Variants in XIRP2 observed in about 807,000 individuals in gnomAD.
XIRP2 encodes xin actin binding repeat containing 2.
XIRP2 carries 236 observed loss-of-function variants against 277.0 expected under a neutral mutation model. That is an observed-to-expected ratio of 0.85 (90% CI 0.77 to 0.95). The LOEUF is 0.95. Ranked by LOEUF, XIRP2 falls within the 40% of genes least tolerant of loss-of-function variation. The pLI is 0.00. For missense variants in XIRP2, 4,640 were observed against 4,157.5 expected, an observed-to-expected ratio of 1.12 and a Z score of -3.19; for synonymous variants, 1,490 against 1,416.5, an observed-to-expected ratio of 1.05 and a Z score of -1.17.
At chr2:167,223,833 C>T (rs1694505294) in intron 5 of XIRP2, among the ~76,000 whole-genome samples, 1 of 152,098 alleles carries the variant, frequency 6.6e-6, no homozygotes, top group Admixed American at 6.6e-5. Flanking sequence ...ACTTAAAGTA[C>T]CAGCACTCAA....
chr2:167,151,829 T>C (rs2105332123), intron 3 of XIRP2, among the ~76,000 whole-genome samples: 1 of 152,264 alleles, frequency 6.6e-6, no homozygotes, highest in South Asian at 2.1e-4. Flanking sequence ...GTTGTTGCTA[T>C]GGGACTACTA....
chr2:167,002,660 T>C (rs1431297887), intron 2 of XIRP2, among the ~76,000 whole-genome samples: 1 of 152,008 alleles, frequency 6.6e-6, no homozygotes, highest in Non-Finnish European at 1.5e-5. Flanking sequence ...GTCTGGCTTA[T>C]TTATAAGGAT....
rs117067542 is a variant in XIRP2 at position 167,089,627 on chromosome 2, G to T, written c.409-46282G>T. ...TGTATTACTTAAGTAAATGTGTGTGGGGGGGTGTATTAAGTAAATGTGCAT... is the reference window on the plus strand; with the variant it reads ...TGTATTACTTAAGTAAATGTGTGTGTGGGGGTGTATTAAGTAAATGTGCAT... On this transcript the variant is annotated intron_variant, in intron 2 of 10. Transcript: ENST00000409195. Among the ~76,000 whole-genome samples, 228 of 152,156 alleles carry T rather than the reference G, an allele frequency of 1.5e-3. 3 individuals carry two copies. The East Asian group carries it at 0.037, about 25-fold the overall frequency.
chr2:167,082,215 G>C (rs554520488), intron 2 of XIRP2, among the ~76,000 whole-genome samples: 2 of 151,616 alleles, frequency 1.3e-5, no homozygotes, highest in African/African-American at 2.4e-5. Flanking sequence ...TTGTTCTTGC[G>C]ATAGTTTACT....
At chr2:167,240,101 T>C in intron 6 of XIRP2, 136 bp downstream of exon 6, 1 of 827,350 alleles carries the variant, frequency 1.2e-6, no homozygotes. Context: ...TTCTCCACTT[T>C]CAAGTTGGAA....
At chr2:167,179,182 T>C (rs1559009474) in intron 3 of XIRP2, among the ~76,000 whole-genome samples, 1 of 152,196 alleles carries the variant, frequency 6.6e-6, no homozygotes, top group Admixed American at 6.5e-5. Context: ...AATATTTGTT[T>C]GGTTTTAATG....
chr2:166,958,874 G>A (rs962704377), intron 2 of XIRP2, among the ~76,000 whole-genome samples: 1 of 151,686 alleles, frequency 6.6e-6, no homozygotes, highest in African/African-American at 2.4e-5. Flanking sequence ...TCAGCATTAT[G>A]TATTCATGGA....
chr2:166,975,646 C>G (rs1008380341), intron 2 of XIRP2, among the ~76,000 whole-genome samples: 1 of 152,120 alleles, frequency 6.6e-6, no homozygotes, highest in Non-Finnish European at 1.5e-5. Flanking sequence ...TTCATTGTGG[C>G]CGGGCGCGGT....
chr2:167,215,612 C>T (rs2105397074), intron 4 of XIRP2, among the ~76,000 whole-genome samples: 1 of 152,276 alleles, frequency 6.6e-6, no homozygotes, highest in East Asian at 1.9e-4. Flanking sequence ...GCTCCTGGGT[C>T]CCCAGTTACT....
intron 1 of XIRP2, among the ~76,000 whole-genome samples, chr2:166,896,197 A>G (rs1245248251): frequency 1.3e-5 from 2 of 152,180 alleles, no homozygotes; most frequent in East Asian, 3.9e-4. Context: ...TATTTACTAT[A>G]CCATGTTTTT....
intron 2 of XIRP2, among the ~76,000 whole-genome samples, chr2:167,028,736 A>G (rs1688244552): frequency 6.6e-6 from 1 of 152,042 alleles, no homozygotes; most frequent in African/African-American, 2.4e-5. Flanking sequence ...ACCAGTGACG[A>G]AATCAAGAAT....
intron 3 of XIRP2, among the ~76,000 whole-genome samples, chr2:167,189,682 A>G (rs1372934710): frequency 6.6e-6 from 1 of 152,142 alleles, no homozygotes; most frequent in African/African-American, 2.4e-5. Flanking sequence ...TGTTTATATG[A>G]CTGTGTGGCA....
At chr2:167,213,625 TG>T (rs145990925) in intron 4 of XIRP2, among the ~76,000 whole-genome samples, 22,826 of 152,058 alleles carry the variant, frequency 0.15, 2,125 homozygotes, top group African/African-American at 0.27. Context: ...ATTTCAGTTA[TG>T]GGGTCAATGA....
chr2:167,207,966 G>C (rs76503625), intron 3 of XIRP2, among the ~76,000 whole-genome samples: 9,427 of 152,004 alleles, frequency 0.062, 521 homozygotes, highest in African/African-American at 0.15. Context: ...TGAATATTTT[G>C]AATAGATTAT....
At chr2:167,033,058 T>A (rs1183472431) in intron 2 of XIRP2, among the ~76,000 whole-genome samples, 1 of 152,168 alleles carries the variant, frequency 6.6e-6, no homozygotes, top group African/African-American at 2.4e-5. Flanking sequence ...TGCCCATTAA[T>A]GTTAGACTGG....
intron 4 of XIRP2, among the ~76,000 whole-genome samples, chr2:167,215,203 A>G (rs183126643): frequency 1.3e-3 from 201 of 152,246 alleles, no homozygotes; most frequent in African/African-American, 4.2e-3. Context: ...CTGTATCTTA[A>G]ATTTCAAAAG....
At chr2:167,035,781 A>G (rs901123873) in intron 2 of XIRP2, among the ~76,000 whole-genome samples, 1 of 152,210 alleles carries the variant, frequency 6.6e-6, no homozygotes, top group African/African-American at 2.4e-5. Context: ...TGGGAACTTC[A>G]TGGTGGCCTC....
intron 3 of XIRP2, among the ~76,000 whole-genome samples, chr2:167,207,990 A>G (rs1693909141): frequency 6.6e-6 from 1 of 152,150 alleles, no homozygotes; most frequent in Non-Finnish European, 1.5e-5. Context: ...TTATTTTCTT[A>G]TATGTGAATA....
At chr2:167,144,141 A>G (rs1558995589) in intron 3 of XIRP2, among the ~76,000 whole-genome samples, 3 of 152,186 alleles carry the variant, frequency 2.0e-5, no homozygotes, top group South Asian at 4.1e-4. Context: ...ACATAATGCA[A>G]TATAAGAATA....
Sources: allele counts gnomAD v4.1 joint callset (sites outside exome capture counted in the v4.1 genomes callset), GRCh38; gene constraint gnomAD v4.1.1; transcripts MANE v1.5; gene names NCBI Gene and HGNC (gene_info 2026-07-23, HGNC 2026-07-21).